The following PAG1 variants were observed in gnomAD, a reference collection of about 807,000 sequenced individuals.
PAG1 encodes phosphoprotein membrane anchor with glycosphingolipid microdomains 1, also known as phosphoprotein associated with glycosphingolipid-enriched microdomains 1.
Under a neutral mutation model 31.7 loss-of-function variants are expected in PAG1, and 23 were observed. The ratio of observed to expected loss-of-function variants is 0.73; its 90% CI spans 0.52 to 1.03. The LOEUF is 1.03. Among genes scored for constraint, PAG1 ranks in the 50% least tolerant of loss-of-function variants. PAG1 has a pLI of 0.00. For missense variants in PAG1, 473 were observed against 540.7 expected (o/e 0.87, Z 1.24); for synonymous variants, 214 against 210.3 (o/e 1.02, Z -0.15).
Position 80,969,788 on chromosome 8 carries a change from A to G in PAG1, c.*6756T>C, listed in dbSNP as rs1381344197. 6.6e-6 allele frequency: 1 copy of G among 152,248 alleles called. No homozygotes were observed. The highest frequency in any genetic ancestry group is 1.5e-5 in the Non-Finnish European group (1 of 68,042). 9.4% of individuals were successfully genotyped at this position (152,248 alleles called of 1,614,324 possible). A position where few individuals can be genotyped will look rare whatever the true frequency, so the allele number is the denominator to read the frequency against. On this transcript the variant is annotated 3_prime_UTR_variant, in exon 9 of 9. Coordinates refer to ENST00000220597, the MANE Select transcript of PAG1 (RefSeq NM_018440.4). ...CTTACAGCAAAGTTTTACAAAACCA[A>G]ATGAAACACCCTGGCTCCTGAAGTA...
chr8:81,024,382 C>T (rs1332952939), intron 3 of PAG1, among the ~76,000 whole-genome samples: 4 of 152,146 alleles, frequency 2.6e-5, no homozygotes, highest in Non-Finnish European at 5.9e-5. Context: ...GCTGACACCC[C>T]CGGGCTCCTG....
At chr8:80,998,024 A>G (rs1807715309) in intron 3 of PAG1, among the ~76,000 whole-genome samples, 1 of 152,192 alleles carries the variant, frequency 6.6e-6, no homozygotes, top group African/African-American at 2.4e-5. Flanking sequence ...TTGGACTAAA[A>G]GGTCCATACT....
intron 2 of PAG1, among the ~76,000 whole-genome samples, chr8:81,035,213 G>C (rs1456537252): frequency 6.6e-6 from 1 of 152,134 alleles, no homozygotes; most frequent in African/African-American, 2.4e-5. Flanking sequence ...AAGAGCCACA[G>C]TTCTCAAGAA....
chr8:81,015,167 T>C (rs908840627), intron 3 of PAG1, among the ~76,000 whole-genome samples: 1 of 152,212 alleles, frequency 6.6e-6, no homozygotes, highest in Non-Finnish European at 1.5e-5. Flanking sequence ...TTGAATGCAA[T>C]TTATGGGATC....
At chr8:81,064,056 T>C (rs931658228) in intron 2 of PAG1, among the ~76,000 whole-genome samples, 1 of 152,002 alleles carries the variant, frequency 6.6e-6, no homozygotes, top group African/African-American at 2.4e-5. Flanking sequence ...TAATAAGAAG[T>C]CAACATGGTA....
intron 1 of PAG1, among the ~76,000 whole-genome samples, chr8:81,105,503 A>G (rs190884127): frequency 1.6e-4 from 25 of 152,296 alleles, no homozygotes; most frequent in Middle Eastern, 3.4e-3. Flanking sequence ...TCTGGTTGCA[A>G]TTCCCAACTG....
At chr8:80,980,937 T>C (rs1807287727) in intron 7 of PAG1, among the ~76,000 whole-genome samples, 1 of 152,208 alleles carries the variant, frequency 6.6e-6, no homozygotes, top group Non-Finnish European at 1.5e-5. Context: ...AGAAACTGAC[T>C]CACATTTTGT....
intron 2 of PAG1, among the ~76,000 whole-genome samples, chr8:81,032,125 A>C (rs1342822886): frequency 6.6e-6 from 1 of 152,224 alleles, no homozygotes; most frequent in African/African-American, 2.4e-5. Flanking sequence ...TAGAAAAAAA[A>C]CCAAAGGGCT....
intron 3 of PAG1, among the ~76,000 whole-genome samples, chr8:80,997,651 A>C (rs545705341): frequency 3.9e-4 from 60 of 152,352 alleles, no homozygotes; most frequent in African/African-American, 1.4e-3. Flanking sequence ...CATTTATTTT[A>C]ATTGTTAACT....
chr8:81,097,081 C>T (rs1809540364), intron 1 of PAG1, among the ~76,000 whole-genome samples: 1 of 152,214 alleles, frequency 6.6e-6, no homozygotes, highest in Admixed American at 6.5e-5. Flanking sequence ...GTATTACACC[C>T]TATGCACCAG....
chr8:80,997,642 A>G (rs1023892572), intron 3 of PAG1, among the ~76,000 whole-genome samples: 4 of 152,224 alleles, frequency 2.6e-5, no homozygotes, highest in Admixed American at 1.3e-4. Flanking sequence ...AAGAAGGACC[A>G]TTTATTTTAA....
At chr8:81,041,458 A>G (rs73694023) in intron 2 of PAG1, among the ~76,000 whole-genome samples, 5,819 of 152,248 alleles carry the variant, frequency 0.038, 150 homozygotes, top group South Asian at 0.1. Flanking sequence ...AGGAACCAAC[A>G]CCAGGGAAGT....
intron 1 of PAG1, among the ~76,000 whole-genome samples, chr8:81,098,315 TG>T (rs1184557327): frequency 6.6e-6 from 1 of 152,240 alleles, no homozygotes; most frequent in Non-Finnish European, 1.5e-5. Flanking sequence ...AAGTCTTTAA[TG>T]TCTTGGTTTG....
intron 1 of PAG1, among the ~76,000 whole-genome samples, chr8:81,082,670 T>G (rs1367368675): frequency 6.6e-6 from 1 of 152,232 alleles, no homozygotes; most frequent in Non-Finnish European, 1.5e-5. Context: ...CCCTGTCCCC[T>G]GCATTCTGTT....
rs1807011801 is a variant in PAG1, at chr8:80,968,577, T to C, written c.*7967A>G. 1 of 152,226 alleles carries C rather than the reference T, an allele frequency of 6.6e-6. No individual in the cohort carries two copies. Among genetic ancestry groups the C allele is most frequent in the Non-Finnish European group, 1.5e-5 (1 of 68,034 alleles). The allele number at this position is 152,226 out of a possible 1,614,324, so 9.4% of individuals were successfully genotyped here. On this transcript the variant is annotated 3_prime_UTR_variant, in exon 9 of 9. Transcript: ENST00000220597. ...CAAACATTCTGGGATGGATGGTAGA[T>C]GGATGCTACACTCTTCTAGAAAGTG...
chr8:81,029,364 TCA>T (rs71266099), intron 3 of PAG1, among the ~76,000 whole-genome samples: 11 of 145,532 alleles, frequency 7.6e-5, no homozygotes, highest in African/African-American at 1.8e-4. Context: ...TCTCTCTCTC[TCA>T]CACACACACA....
chr8:81,001,570 C>T (rs1807785387), intron 3 of PAG1, among the ~76,000 whole-genome samples: 1 of 152,070 alleles, frequency 6.6e-6, no homozygotes, highest in Non-Finnish European at 1.5e-5. Context: ...CCTCCAGGGC[C>T]CCCAAGAGGC....
intron 3 of PAG1, among the ~76,000 whole-genome samples, chr8:81,025,499 T>C (rs1198852528): frequency 6.6e-6 from 1 of 152,032 alleles, no homozygotes; most frequent in Non-Finnish European, 1.5e-5. Context: ...CCCATGGCAG[T>C]GGGGAGGGAG....
Position 80,985,389 on chromosome 8 carries a change from C to T in PAG1, c.275-12G>A, listed in dbSNP as rs1450541216. 1.3e-6 allele frequency: 2 copies of T among 1,597,090 alleles called. No homozygotes were observed. Among genetic ancestry groups the T allele is most frequent in the African/African-American group, 1.3e-5 (1 of 74,566 alleles). ...GTCCTCTGAAAGAACTAAAGCAGCA[C>T]ACACATTAAAAGCGGAGAAAGGCAA... On this transcript the variant is annotated splice_polypyrimidine_tract_variant and intron_variant, in intron 6 of 8. Transcript: ENST00000220597.
Sources: allele counts gnomAD v4.1 joint callset (sites outside exome capture counted in the v4.1 genomes callset), GRCh38; gene constraint gnomAD v4.1.1; transcripts MANE v1.5; gene names NCBI Gene and HGNC (gene_info 2026-07-23, HGNC 2026-07-21).